Variants in MSRA observed in about 807,000 individuals in gnomAD.
MSRA encodes the protein methionine sulfoxide reductase A.
In MSRA, 54 loss-of-function variants were observed where a neutral mutation model predicts 31.3. The observed-to-expected ratio is 1.73, with a 90% CI of 1.39 to 2.17. MSRA has a LOEUF of 2.17. MSRA is among the 30% of genes most tolerant of loss of function. The pLI is 0.00. For missense variants in MSRA, 507 were observed against 300.9 expected (o/e 1.69, Z -5.07); for synonymous variants, 169 against 116.5 (o/e 1.45, Z -2.90).
At chr8:10,240,445 G>T (rs1812311432) in intron 2 of MSRA, among the ~76,000 whole-genome samples, 2 of 152,202 alleles carry the variant, frequency 1.3e-5, no homozygotes, top group South Asian at 4.1e-4. Flanking sequence ...GGCATCCCCT[G>T]GCTGGGCCCC....
At chr8:10,300,545 C>T (rs1476449162) in intron 3 of MSRA, among the ~76,000 whole-genome samples, 1 of 152,136 alleles carries the variant, frequency 6.6e-6, no homozygotes, top group East Asian at 1.9e-4. Context: ...CATCCACCAC[C>T]ACACCCAGCT....
At chr8:10,243,372 C>A (rs1338263505) in intron 2 of MSRA, among the ~76,000 whole-genome samples, 1 of 152,096 alleles carries the variant, frequency 6.6e-6, no homozygotes, top group Non-Finnish European at 1.5e-5. Flanking sequence ...TCCAGAGAAT[C>A]CCTATCATCC....
At chr8:10,259,659 C>A (rs1228739778) in intron 3 of MSRA, among the ~76,000 whole-genome samples, 1 of 152,174 alleles carries the variant, frequency 6.6e-6, no homozygotes, top group African/African-American at 2.4e-5. Flanking sequence ...ATATTCCCCT[C>A]CAGGAAGGTA....
At chr8:10,195,991 G>A (rs554443599) in intron 1 of MSRA, among the ~76,000 whole-genome samples, 62 of 152,310 alleles carry the variant, frequency 4.1e-4, no homozygotes, top group African/African-American at 1.4e-3. Flanking sequence ...AAGGGGAGGT[G>A]TGGGCCCATC....
rs762346005 is a variant in MSRA at position 10,395,952 on chromosome 8, A to G, written c.544-32196A>G. On this transcript the variant is annotated intron_variant, in intron 5 of 5. Coordinates refer to ENST00000317173, the MANE Select transcript of MSRA (RefSeq NM_012331.5). ...TTTCTACCAATCTTTGCACGGCCCT[A>G]CAAGTGCAGTCAAGCTCAAGTGGGC... 9.7e-4 allele frequency among the ~76,000 whole-genome samples: 148 copies of G among 152,304 alleles called. 1 individual carries two copies. The highest frequency in any genetic ancestry group is 3.4e-3 in the Middle Eastern group (1 of 294).
chr8:10,086,692 T>G (rs1798572987), intron 1 of MSRA, among the ~76,000 whole-genome samples: 2 of 151,904 alleles, frequency 1.3e-5, no homozygotes, highest in Admixed American at 1.3e-4. Flanking sequence ...TATTTCATTT[T>G]TATGTCCATT....
At chr8:10,208,123 G>A (rs372638667) in intron 2 of MSRA, among the ~76,000 whole-genome samples, 16 of 152,032 alleles carry the variant, frequency 1.1e-4, no homozygotes, top group African/African-American at 1.7e-4. Context: ...TGACAACCAC[G>A]TATCAAACTG....
chr8:10,324,062 A>G (rs1364203546), intron 5 of MSRA, among the ~76,000 whole-genome samples: 1 of 152,214 alleles, frequency 6.6e-6, no homozygotes, highest in Non-Finnish European at 1.5e-5. Context: ...CCAGAGTTTC[A>G]GACTAGACCA....
intron 1 of MSRA, among the ~76,000 whole-genome samples, chr8:10,086,159 T>C (rs2128925047): frequency 6.6e-6 from 1 of 152,372 alleles, no homozygotes; most frequent in Middle Eastern, 3.4e-3. Context: ...AGCAGCAATG[T>C]ATGAGGATTC....
Position 10,361,923 on chromosome 8 carries a change from C to A in MSRA, c.543+41934C>A, listed in dbSNP as rs35125396. Among the ~76,000 whole-genome samples the A allele has an allele frequency of 4.3e-3, 658 of 152,172 alleles. 14 individuals are homozygous for A. The East Asian group carries it at 0.085, about 20-fold the overall frequency. On this transcript the variant is annotated intron_variant, in intron 5 of 5. Coordinates refer to ENST00000317173, the MANE Select transcript of MSRA (RefSeq NM_012331.5). Reference sequence around the variant, plus strand: ...TTTTTCTTCCTTACCGTTGTCTTCCCCCTCATTTCCTGGAAAGGGAAATCG... The same window carrying A: ...TTTTTCTTCCTTACCGTTGTCTTCCACCTCATTTCCTGGAAAGGGAAATCG...
At chr8:10,151,582 G>T (rs921106622) in intron 1 of MSRA, among the ~76,000 whole-genome samples, 1 of 152,102 alleles carries the variant, frequency 6.6e-6, no homozygotes, top group African/African-American at 2.4e-5. Context: ...CCCGGGAGGC[G>T]GAGCTTGCAG....
intron 1 of MSRA, among the ~76,000 whole-genome samples, chr8:10,183,844 G>A (rs553972263): frequency 2.6e-5 from 4 of 151,324 alleles, no homozygotes; most frequent in Admixed American, 2.6e-4. Flanking sequence ...GGTATTGGTA[G>A]TGATGGTGTT....
chr8:10,186,871 A>G (rs943201655), intron 1 of MSRA, among the ~76,000 whole-genome samples: 9 of 152,272 alleles, frequency 5.9e-5, no homozygotes, highest in African/African-American at 1.9e-4. Context: ...CTCTGTATGG[A>G]GAAAAAGATC....
intron 1 of MSRA, among the ~76,000 whole-genome samples, chr8:10,066,688 C>T (rs1797469944): frequency 1.3e-5 from 2 of 152,098 alleles, no homozygotes; most frequent in South Asian, 4.1e-4. Context: ...CATCCGTCAC[C>T]AGACCTAGCT....
At chr8:10,284,284 G>C (rs1001036621) in intron 3 of MSRA, among the ~76,000 whole-genome samples, 1 of 152,092 alleles carries the variant, frequency 6.6e-6, no homozygotes. Context: ...CACCTCCCAG[G>C]TTCAAGCAAT....
At chr8:10,087,169 G>A (rs531514969) in intron 1 of MSRA, among the ~76,000 whole-genome samples, 1 of 152,252 alleles carries the variant, frequency 6.6e-6, no homozygotes, top group East Asian at 1.9e-4. Flanking sequence ...CCTTTCTGAT[G>A]TGCCTCTATA....
chr8:10,393,998 C>T (rs1177478610), intron 5 of MSRA, among the ~76,000 whole-genome samples: 1 of 152,136 alleles, frequency 6.6e-6, no homozygotes, highest in Non-Finnish European at 1.5e-5. Context: ...CAATCTGTGG[C>T]CAATTAGAGG....
intron 5 of MSRA, among the ~76,000 whole-genome samples, chr8:10,416,443 C>T (rs774003545): frequency 6.6e-5 from 10 of 152,318 alleles, no homozygotes; most frequent in South Asian, 6.2e-4. Context: ...GTGCTCCCAG[C>T]GTGGGTTTGT....
At chr8:10,242,880 C>G (rs1412537888) in intron 2 of MSRA, among the ~76,000 whole-genome samples, 1 of 152,132 alleles carries the variant, frequency 6.6e-6, no homozygotes. Flanking sequence ...TGGACATTGA[C>G]CATATTCCAG....
Sources: gnomAD v4.1 joint callset for allele counts (sites outside exome capture counted in the v4.1 genomes callset) on GRCh38, gnomAD v4.1.1 for gene constraint, MANE v1.5 for transcripts, NCBI Gene and HGNC (gene_info 2026-07-23, HGNC 2026-07-21) for gene names.